CPAMD8: variants seen among roughly 807,000 people sequenced by gnomAD.
The protein encoded by CPAMD8 is C3 and PZP like alpha-2-macroglobulin domain containing 8, also known as C3 and PZP-like alpha-2-macroglobulin domain-containing protein 8.
CPAMD8 carries 146 observed loss-of-function variants against 224.7 expected under a neutral mutation model. That is an observed-to-expected ratio of 0.65 (90% CI 0.57 to 0.75). The LOEUF (loss-of-function observed/expected upper bound fraction) is 0.75. Among genes scored for constraint, CPAMD8 ranks in the 30% least tolerant of loss-of-function variants. CPAMD8 has a pLI of 0.00. For missense variants in CPAMD8, 2,301 were observed against 2,537.5 expected (o/e 0.91, Z 2.00); for synonymous variants, 966 against 1,044.6 (o/e 0.92, Z 1.45).
intron 6 of CPAMD8, 144 bp downstream of exon 6, chr19:17,009,159 G>C (rs888885681): frequency 4.3e-6 from 6 of 1,399,484 alleles, no homozygotes; most frequent in Non-Finnish European, 6.0e-6. Flanking sequence ...CCAGGGACCA[G>C]GATAGAAGAG....
chr19:16,993,723 A>T (rs1428905012), intron 11 of CPAMD8, 137 bp from the exon 12 acceptor site: 1 of 786,768 alleles, frequency 1.3e-6, no homozygotes, highest in Non-Finnish European at 2.0e-6. Flanking sequence ...TGAAATTCAC[A>T]GGGCATCGCA....
intron 24 of CPAMD8, 98 bp from the exon 25 acceptor site, chr19:16,928,332 T>C: frequency 1.1e-6 from 1 of 882,640 alleles, no homozygotes; most frequent in Non-Finnish European, 1.8e-6. Flanking sequence ...GTCAGAGGCC[T>C]CAGCCATGCT....
Position 16,952,082 on chromosome 19 carries a change from GCA to G in CPAMD8, c.2393_2394del (p.Leu798ProfsTer38). 1 of 1,564,232 alleles carries G rather than the reference GCA, an allele frequency of 6.4e-7. No individual in the cohort carries two copies. On this transcript the variant is annotated frameshift_variant, in exon 20 of 42. Transcript: ENST00000443236. LOFTEE classifies it high-confidence loss of function. ...SQGLGIAEPS[L>X]LKTFKPFFVD... ...ACGAAGAAGGGCTTGAAGGTCTTCA[GCA>G]GGGAGGGCTCGGCGATGCCTAAGCC...
At chr19:16,948,899 A>AGGGGAAGAGAAGGGAAGGG (rs2054203843) in intron 20 of CPAMD8, among the ~76,000 whole-genome samples, 1 of 76,838 alleles carries the variant, frequency 1.3e-5, no homozygotes, top group African/African-American at 5.4e-5. Context: ...AAGGGAAGGG[A>AGGGGAAGAGAAGGGAAGGG]AGGGAAGGGA....
rs754658987 is a variant in CPAMD8, at chr19:16,975,986, C to T, written c.1908+16G>A. 9.6e-6 allele frequency: 15 copies of T among 1,565,382 alleles called. No homozygotes were observed. Among genetic ancestry groups the T allele is most frequent in the Non-Finnish European group, 1.2e-5 (14 of 1,153,776 alleles). On this transcript the variant is annotated intron_variant, in intron 16 of 41. Coordinates refer to ENST00000443236, the MANE Select transcript of CPAMD8 (RefSeq NM_015692.5). ...CCCGTGGAGGTCTAGAACCCAAGCC[C>T]GAGGGGTCTGCTCACCTGGGCAGGA...
In CPAMD8 at chr19:16,896,281, A is replaced by C. The variant is rs2051981723; in HGVS notation, c.5321T>G (p.Leu1774Arg). The C allele has an allele frequency of 2.5e-6, 4 of 1,613,016 alleles. No homozygotes were observed. Among genetic ancestry groups the C allele is most frequent in the Non-Finnish European group, 2.5e-6 (3 of 1,179,920 alleles). Reference protein sequence around the residue: ...ASSSSTYGDDLASVAPGPLQQ... With the variant: ...ASSSSTYGDDRASVAPGPLQQ... ...TAAAGGCCCCGGGGCCACAGAAGCCAGGTCATCCCCGTAGGTGGAGGACGA... is the reference window on the plus strand; with the variant it reads ...TAAAGGCCCCGGGGCCACAGAAGCCCGGTCATCCCCGTAGGTGGAGGACGA... The change falls in exon 41 of 42, where the codon CTG becomes CGG. Residue 1774 changes from leucine (L) to arginine (R), a missense_variant. This residue lies in a region of CPAMD8 where 1,709 missense variants were observed against 1,753.2 expected (regional missense o/e 0.97). Transcript: ENST00000443236.
Position 16,904,315 on chromosome 19 carries a change from T to C in CPAMD8, c.4162A>G (p.Thr1388Ala), listed in dbSNP as rs1386526337. ...GCGGCAGCCACGTCACCCAGCAGAG[T>C]GTAGGTCAGAAGGGCGTAGGCTGTC... ...EMTAYALLTYTLLGDVAAALP... is the reference protein window; with the variant it reads ...EMTAYALLTYALLGDVAAALP... Residue 1388 changes from threonine to alanine, a missense_variant, in exon 32 of 42, where the codon ACT (threonine) becomes GCT (alanine). Physicochemically the swap from Thr to Ala is moderately conservative, Grantham distance 58. This residue lies in a region of CPAMD8 where 1,709 missense variants were observed against 1,753.2 expected (regional missense o/e 0.97). Coordinates refer to ENST00000443236, the MANE Select transcript of CPAMD8 (RefSeq NM_015692.5). 6.2e-7 allele frequency: 1 copy of C among 1,613,368 alleles called. No homozygotes were observed. Among genetic ancestry groups the C allele is most frequent in the Non-Finnish European group, 8.5e-7 (1 of 1,179,946 alleles).
chr19:16,895,128 G>A (rs769787696), intron 41 of CPAMD8: 5 of 152,816 alleles, frequency 3.3e-5, no homozygotes, highest in African/African-American at 9.7e-5. Context: ...TAAAAGAATA[G>A]GCCTGGCATG....
rs768242556 is a variant in CPAMD8, at chr19:16,902,807, G to A, written c.4527C>T (p.Leu1509=). 3 of 1,574,122 alleles carry A rather than the reference G, an allele frequency of 1.9e-6. No homozygotes were observed. Among genetic ancestry groups the A allele is most frequent in the Non-Finnish European group, 2.6e-6 (3 of 1,156,552 alleles). The change falls in exon 35 of 42, where the codon CTC becomes CTT. Residue 1509 remains leucine, a synonymous_variant. Coordinates refer to ENST00000443236, the MANE Select transcript of CPAMD8 (RefSeq NM_015692.5). The part of the protein sequence containing the change: ...DPVAKPAFQL[L]VSLQEPEAQG... ...GGGCCTCAGGCTCCTGGAGGCTTACGAGCAGCTGGAAAGCTGGCTTGGCCA... is the reference window on the plus strand; with the variant it reads ...GGGCCTCAGGCTCCTGGAGGCTTACAAGCAGCTGGAAAGCTGGCTTGGCCA...
At chr19:16,914,897 G>C (rs1258239095) in intron 27 of CPAMD8, 84 bp from the exon 28 acceptor site, 16 of 977,170 alleles carry the variant, frequency 1.6e-5, no homozygotes, top group Non-Finnish European at 2.4e-5. Context: ...CAAGCTCCTG[G>C]CACCACCCCC....
chr19:17,017,063 C>A (rs1362748172), intron 3 of CPAMD8, among the ~76,000 whole-genome samples: 1 of 152,078 alleles, frequency 6.6e-6, no homozygotes, highest in Non-Finnish European at 1.5e-5. Flanking sequence ...TTTACAGCCG[C>A]TCCCCATCAC....
intron 1 of CPAMD8, among the ~76,000 whole-genome samples, chr19:17,025,564 C>T (rs1185839024): frequency 6.6e-6 from 1 of 152,148 alleles, no homozygotes; most frequent in African/African-American, 2.4e-5. Context: ...AGCTGTTTAC[C>T]AGCATTCCTG....
At chr19:16,945,734 T>C in intron 21 of CPAMD8, 55 bp from the exon 22 acceptor site, 3 of 1,550,660 alleles carry the variant, frequency 1.9e-6, no homozygotes, top group Non-Finnish European at 2.7e-6. Flanking sequence ...AGATGGGGGC[T>C]GTCCCATCCC....
Position 16,902,785 on chromosome 19 carries a change from CCT to C in CPAMD8, c.4547_4548del (p.Glu1516GlyfsTer14), listed in dbSNP as rs2052314750. ...GGCATGGGGGGCGGGCGTCCCTGGG[CCT>C]CAGGCTCCTGGAGGCTTACGAGCAG... ...FQLLVSLQEP[E>X]AQGRPPPMPA... On this transcript the variant is annotated frameshift_variant, in exon 35 of 42. Coordinates refer to ENST00000443236, the MANE Select transcript of CPAMD8 (RefSeq NM_015692.5). LOFTEE classifies it high-confidence loss of function. 9 of 1,588,618 alleles carry C rather than the reference CCT, an allele frequency of 5.7e-6. No homozygotes were observed. Among genetic ancestry groups the C allele is most frequent in the Non-Finnish European group, 7.7e-6 (9 of 1,163,622 alleles).
chr19:17,000,519 AT>A lies in CPAMD8; in HGVS notation c.761del (p.Tyr254LeufsTer11). ...CACCAGCCACAGGTTTCCCAAAGGT[AT>A]ACCTGGAACAAAAGGATAAAGCATG... is the stretch of plus-strand genomic sequence containing the variant. ...ACETGTVRAR[Y>X]TFGKPVAGAL... On this transcript the variant is annotated frameshift_variant and splice_region_variant, in exon 10 of 42. Transcript: ENST00000443236. LOFTEE classifies it high-confidence loss of function. 8.0e-7 allele frequency: 1 copy of A among 1,249,872 alleles called. No homozygotes were observed. Among genetic ancestry groups the A allele is most frequent in the South Asian group, 1.2e-5 (1 of 84,804 alleles). 77.4% of individuals were successfully genotyped at this position (1,249,872 alleles called of 1,614,324 possible).
At chr19:17,010,937 C>T (rs188013195) in intron 5 of CPAMD8, among the ~76,000 whole-genome samples, 37 of 152,054 alleles carry the variant, frequency 2.4e-4, no homozygotes, top group African/African-American at 7.7e-4. Context: ...GCAGGAGAAT[C>T]GCTTGAACCC....
At chr19:16,979,818 C>T (rs79329857) in intron 14 of CPAMD8, among the ~76,000 whole-genome samples, 1 of 151,540 alleles carries the variant, frequency 6.6e-6, no homozygotes, top group African/African-American at 2.4e-5. Flanking sequence ...AGAGATCCTG[C>T]CTATCTATCT....
intron 19 of CPAMD8, among the ~76,000 whole-genome samples, chr19:16,954,781 G>A (rs1022329828): frequency 3.3e-5 from 5 of 152,066 alleles, no homozygotes; most frequent in African/African-American, 9.7e-5. Flanking sequence ...TCAGGAAATC[G>A]AGATCATCCT....
intron 23 of CPAMD8, among the ~76,000 whole-genome samples, chr19:16,936,919 A>G (rs1453103560): frequency 6.6e-6 from 1 of 152,152 alleles, no homozygotes; most frequent in Admixed American, 6.5e-5. Context: ...TATAGATTGT[A>G]CTTTTCAAGT....
Sources: gnomAD v4.1 joint callset for allele counts (sites outside exome capture counted in the v4.1 genomes callset) on GRCh38, gnomAD v4.1.1 for gene constraint, gnomAD v4.1.1 regional missense constraint, MANE v1.5 for transcripts, NCBI Gene and HGNC (gene_info 2026-07-23, HGNC 2026-07-21) for gene names.